Variants in EIF2AK3 observed in about 807,000 individuals in gnomAD.
EIF2AK3 encodes eukaryotic translation initiation factor 2 alpha kinase 3.
A neutral mutation model predicts 113.5 loss-of-function variants in EIF2AK3; 50 were observed. The ratio of observed to expected loss-of-function variants is 0.44; its 90% CI spans 0.35 to 0.56. The LOEUF (loss-of-function observed/expected upper bound fraction) is 0.56. EIF2AK3 is among the 20% of genes least tolerant of loss of function. EIF2AK3 has a pLI of 0.00. For synonymous variants in EIF2AK3, 448 were observed against 495.4 expected (o/e 0.90, Z 1.27); for missense variants, 1,185 against 1,378.0 (o/e 0.86, Z 2.22).
At chr2:88,560,766 A>G (rs1385525004) in intron 15 of EIF2AK3, among the ~76,000 whole-genome samples, 1 of 140,004 alleles carries the variant, frequency 7.1e-6, no homozygotes, top group Non-Finnish European at 1.5e-5. Flanking sequence ...TTTTTCATTC[A>G]TTGTACAGAA....
chr2:88,625,093 T>G (rs1035951508), intron 1 of EIF2AK3, among the ~76,000 whole-genome samples: 14 of 152,196 alleles, frequency 9.2e-5, no homozygotes, highest in South Asian at 2.1e-4. Flanking sequence ...GTGATCTTGT[T>G]AAAATGCAGA....
At chr2:88,593,910 T>G in intron 3 of EIF2AK3, 1 of 996,228 alleles carries the variant, frequency 1.0e-6, no homozygotes, top group Non-Finnish European at 1.2e-6. Flanking sequence ...ACGAAAAGCA[T>G]ACCTTCTACA....
At chr2:88,560,414 A>C (rs1431212660) in intron 15 of EIF2AK3, among the ~76,000 whole-genome samples, 1 of 151,386 alleles carries the variant, frequency 6.6e-6, no homozygotes, top group African/African-American at 2.4e-5. Context: ...TTCACTTTCT[A>C]TTTCATTTAA....
intron 6 of EIF2AK3, 55 bp from the exon 7 acceptor site, chr2:88,588,956 T>A: frequency 6.3e-7 from 1 of 1,583,376 alleles, no homozygotes. Context: ...AAAGGTTTTT[T>A]TAATTAAATA....
chr2:88,571,469 A>G (rs1203499451), intron 13 of EIF2AK3, among the ~76,000 whole-genome samples: 4 of 152,232 alleles, frequency 2.6e-5, no homozygotes, highest in Admixed American at 2.0e-4. Flanking sequence ...TACTACTACT[A>G]ACTCATGTAC....
chr2:88,583,946 CTA>C (rs1194564850), intron 9 of EIF2AK3, among the ~76,000 whole-genome samples: 1 of 152,156 alleles, frequency 6.6e-6, no homozygotes, highest in Non-Finnish European at 1.5e-5. Context: ...AACAAAAAGA[CTA>C]GAGAGATTTC....
chr2:88,595,725 C>T (rs750725889), intron 2 of EIF2AK3, 62 bp from the exon 3 acceptor site: 1 of 1,462,694 alleles, frequency 6.8e-7, no homozygotes, highest in Non-Finnish European at 9.5e-7. Flanking sequence ...TTTCTTATTT[C>T]TCCCAGAAAA....
intron 1 of EIF2AK3, among the ~76,000 whole-genome samples, chr2:88,620,662 C>T (rs898022176): frequency 6.6e-6 from 1 of 152,238 alleles, no homozygotes; most frequent in South Asian, 2.1e-4. Context: ...ACTGTACAAA[C>T]TCCCTGCTCT....
chr2:88,617,764 A>AG (rs1573424529), intron 1 of EIF2AK3, among the ~76,000 whole-genome samples: 1 of 151,666 alleles, frequency 6.6e-6, no homozygotes, highest in East Asian at 1.9e-4. Context: ...TCAAAAAAAA[A>AG]AAAGAAAAAC....
At chr2:88,571,083 G>A (rs765273133) in intron 13 of EIF2AK3, 42 bp from the exon 14 acceptor site, 5 of 1,604,434 alleles carry the variant, frequency 3.1e-6, no homozygotes, top group East Asian at 4.5e-5. Flanking sequence ...GGGTGTGCAT[G>A]GAGGCGAAAA....
intron 11 of EIF2AK3, 136 bp from the exon 12 acceptor site, chr2:88,576,839 A>T: frequency 1.0e-6 from 1 of 970,526 alleles, no homozygotes; most frequent in East Asian, 2.6e-5. Context: ...AAGAAATAAA[A>T]TTAGCCTGAA....
At position 88,627,085 on chromosome 2, in the gene EIF2AK3, C is replaced by T. The variant is rs1453110315; in HGVS notation, c.190G>A (p.Ala64Thr). ...TSATRVPAAGAVAAAEVTVED... is the reference protein window; with the variant it reads ...TSATRVPAAGTVAAAEVTVED... ...ACAGTCACCTCGGCCGCAGCCACGG[C>T]GCCCGCCGCCGGTACTCGCGTCGCT... The change falls in exon 1 of 17, where the codon GCC becomes ACC. Residue 64 changes from alanine (A) to threonine (T), a missense_variant. Coordinates refer to ENST00000303236, the MANE Select transcript of EIF2AK3 (RefSeq NM_004836.7). The T allele has an allele frequency of 6.4e-7, 1 of 1,551,332 alleles. No individual in the cohort carries two copies. Among genetic ancestry groups the T allele is most frequent in the Admixed American group, 1.9e-5 (1 of 53,172 alleles).
intron 2 of EIF2AK3, among the ~76,000 whole-genome samples, chr2:88,612,260 C>A (rs1352468094): frequency 6.6e-6 from 1 of 152,150 alleles, no homozygotes; most frequent in African/African-American, 2.4e-5. Context: ...ATGCTTTGAA[C>A]TACTACAACA....
chr2:88,627,018 T>A lies in EIF2AK3; in HGVS notation c.257A>T (p.Glu86Val). 6.2e-7 allele frequency: 1 copy of A among 1,606,706 alleles called. No homozygotes were observed. The highest frequency in any genetic ancestry group is 1.1e-5 in the South Asian group (1 of 90,850). The stretch of plus-strand genomic sequence containing the variant: ...ATCGTCTGGTTCCGGACCCCGAGGC[T>A]CCTGCTCTCCCGCGGCTGCCGGCAG... Reference protein sequence around the residue: ...EALPAAAGEQEPRGPEPDDET... With the variant: ...EALPAAAGEQVPRGPEPDDET... Residue 86 changes from glutamate to valine, a missense_variant, in exon 1 of 17, where the codon GAG becomes GTG. Around this residue, in one of 3 missense-constraint regions of EIF2AK3, gnomAD observed 189 missense variants for 175.2 expected, o/e 1.08. Coordinates refer to ENST00000303236, the MANE Select transcript of EIF2AK3 (RefSeq NM_004836.7).
At chr2:88,589,964 G>A (rs1430639410) in intron 6 of EIF2AK3, among the ~76,000 whole-genome samples, 1 of 152,124 alleles carries the variant, frequency 6.6e-6, no homozygotes, top group African/African-American at 2.4e-5. Context: ...TGGGCTGGGC[G>A]TGGTGGCTCA....
At chr2:88,580,825 G>A (rs1474569806) in intron 10 of EIF2AK3, among the ~76,000 whole-genome samples, 2 of 152,064 alleles carry the variant, frequency 1.3e-5, no homozygotes, top group African/African-American at 4.8e-5. Context: ...AGATTTCAAC[G>A]TTCCATGGGC....
intron 3 of EIF2AK3, among the ~76,000 whole-genome samples, chr2:88,594,552 A>T (rs1190808701): frequency 6.6e-6 from 1 of 152,186 alleles, no homozygotes; most frequent in Non-Finnish European, 1.5e-5. Context: ...ACCCAATCTT[A>T]GAAGCAGATT....
At chr2:88,576,742 A>T (rs763369256) in intron 11 of EIF2AK3, 39 bp from the exon 12 acceptor site, 1 of 1,605,098 alleles carries the variant, frequency 6.2e-7, no homozygotes, top group East Asian at 2.2e-5. Context: ...GGATATTCCA[A>T]TTACACTGAT....
At chr2:88,576,482 A>G in intron 12 of EIF2AK3, 72 bp downstream of exon 12, 1 of 1,593,774 alleles carries the variant, frequency 6.3e-7, no homozygotes, top group South Asian at 1.1e-5. Context: ...AAATCCCTAA[A>G]GTTATAAAAC....
Sources: gnomAD v4.1 joint callset for allele counts (sites outside exome capture counted in the v4.1 genomes callset) on GRCh38, gnomAD v4.1.1 for gene constraint, gnomAD v4.1.1 regional missense constraint, MANE v1.5 for transcripts, NCBI Gene and HGNC (gene_info 2026-07-23, HGNC 2026-07-21) for gene names.